The following AGBL1 variants were observed in gnomAD, a reference collection of about 807,000 sequenced individuals.
The protein encoded by AGBL1 is AGBL carboxypeptidase 1, also known as cytosolic carboxypeptidase 4.
AGBL1 carries 130 observed loss-of-function variants against 118.9 expected under a neutral mutation model. That is an observed-to-expected ratio of 1.09 (90% CI 0.95 to 1.26). The LOEUF is 1.26. Ranked by LOEUF, AGBL1 falls within the 50% of genes most tolerant of loss-of-function variation. AGBL1 has a pLI of 0.00. For missense variants in AGBL1, 1,584 were observed against 1,298.1 expected, an observed-to-expected ratio of 1.22 and a Z score of -3.38; for synonymous variants, 555 against 478.9, an observed-to-expected ratio of 1.16 and a Z score of -2.08.
intron 23 of AGBL1, among the ~76,000 whole-genome samples, chr15:86,955,488 C>G (rs1159911464): frequency 1.3e-5 from 2 of 151,698 alleles, no homozygotes; most frequent in African/African-American, 2.4e-5. Context: ...GAACCAGACA[C>G]AAATGATGAA....
At chr15:86,937,446 T>G (rs931318732) in intron 23 of AGBL1, among the ~76,000 whole-genome samples, 4 of 152,238 alleles carry the variant, frequency 2.6e-5, no homozygotes, top group Non-Finnish European at 2.9e-5. Context: ...ATACATATAC[T>G]CCATGGAATA....
chr15:86,162,407 A>G (rs1021101665), intron 5 of AGBL1, among the ~76,000 whole-genome samples: 2 of 152,174 alleles, frequency 1.3e-5, no homozygotes, highest in Admixed American at 6.5e-5. Context: ...CTGTCCTCCA[A>G]TGAAGCTCTG....
chr15:86,128,190 ACATGGCTGGGGAGTCTTCACACT>A (rs776578811), intron 1 of AGBL1, among the ~76,000 whole-genome samples: 83 of 152,322 alleles, frequency 5.4e-4, no homozygotes, highest in Non-Finnish European at 1.1e-3. Flanking sequence ...TCACAGTTCC[ACATGGCTGGGGAGTCTTCACACT>A]CATGGCAGAA....
chr15:86,722,220 C>T (rs1210308679), intron 22 of AGBL1, among the ~76,000 whole-genome samples: 2 of 152,152 alleles, frequency 1.3e-5, no homozygotes, highest in African/African-American at 4.8e-5. Flanking sequence ...GCCAAAAGAA[C>T]GAAGCTGGAG....
chr15:86,108,740 C>T (rs550311783), intron 1 of AGBL1, among the ~76,000 whole-genome samples: 9 of 152,226 alleles, frequency 5.9e-5, no homozygotes, highest in South Asian at 2.1e-4. Context: ...GGGCGGATCA[C>T]GAGGTCAAGA....
At chr15:86,303,872 A>C (rs1156375099) in intron 17 of AGBL1, among the ~76,000 whole-genome samples, 1 of 152,180 alleles carries the variant, frequency 6.6e-6, no homozygotes, top group Admixed American at 6.5e-5. Flanking sequence ...TGAGGTAAGA[A>C]AAAAGAAAGA....
At chr15:86,647,943 G>C (rs2085311821) in intron 21 of AGBL1, among the ~76,000 whole-genome samples, 1 of 152,162 alleles carries the variant, frequency 6.6e-6, no homozygotes, top group African/African-American at 2.4e-5. Context: ...GGAAGAGTCA[G>C]AGCCAGGGTA....
chr15:86,432,069 AG>A (rs937655584), intron 18 of AGBL1, among the ~76,000 whole-genome samples: 1 of 79,316 alleles, frequency 1.3e-5, no homozygotes, highest in African/African-American at 1.4e-4. Flanking sequence ...TCCCAGGATC[AG>A]GTTTTTAACT....
chr15:86,700,980 C>G (rs914118328), intron 22 of AGBL1, among the ~76,000 whole-genome samples: 1 of 152,078 alleles, frequency 6.6e-6, no homozygotes, highest in African/African-American at 2.4e-5. Flanking sequence ...CCTCCCCAGT[C>G]GTGCTGAGGG....
intron 22 of AGBL1, among the ~76,000 whole-genome samples, chr15:86,821,583 C>T (rs536941673): frequency 6.6e-5 from 10 of 152,152 alleles, no homozygotes; most frequent in South Asian, 6.2e-4. Context: ...TGTAACAGAA[C>T]GGTATATTAT....
At chr15:86,767,964 G>A (rs75301480) in intron 22 of AGBL1, among the ~76,000 whole-genome samples, 1 of 151,924 alleles carries the variant, frequency 6.6e-6, no homozygotes, top group African/African-American at 2.4e-5. Context: ...ACCGTGAGTT[G>A]AGTAGAATCA....
intron 18 of AGBL1, among the ~76,000 whole-genome samples, chr15:86,498,754 G>C (rs967297453): frequency 1.3e-5 from 2 of 151,836 alleles, no homozygotes; most frequent in Non-Finnish European, 2.9e-5. Context: ...GAAAAGGAAA[G>C]GAAATTCCCA....
rs74606086 is a variant in AGBL1, at chr15:86,753,765, T to G, written c.3158+79329T>G. On this transcript the variant is annotated intron_variant, in intron 22 of 22. Transcript: ENST00000614907. ...GAGTGAGGGGAGAGATGCCCCTTTA[T>G]CTCACCTACAAACACTTGTCCAGGT... Among the ~76,000 whole-genome samples, 998 of 152,192 alleles carry G rather than the reference T, an allele frequency of 6.6e-3. 54 individuals carry two copies. In the East Asian group the frequency reaches 0.13, roughly 20 times the overall value.
At chr15:86,899,284 A>T (rs547994568) in intron 22 of AGBL1, among the ~76,000 whole-genome samples, 1 of 152,318 alleles carries the variant, frequency 6.6e-6, no homozygotes, top group East Asian at 1.9e-4. Flanking sequence ...CTAAAGCAAG[A>T]GCAGAAAACC....
At chr15:86,196,038 C>G (rs368400249) in intron 5 of AGBL1, among the ~76,000 whole-genome samples, 2 of 152,038 alleles carry the variant, frequency 1.3e-5, no homozygotes, top group African/African-American at 4.8e-5. Flanking sequence ...TTTTAAAAAC[C>G]ATAGGATATC....
chr15:86,148,756 G>A (rs528365942), intron 3 of AGBL1, among the ~76,000 whole-genome samples: 16 of 152,148 alleles, frequency 1.1e-4, no homozygotes, highest in African/African-American at 3.1e-4. Context: ...GCCAACATTC[G>A]AATTCAGGAA....
At chr15:86,925,142 A>AGG (rs71144082) in intron 23 of AGBL1, among the ~76,000 whole-genome samples, 13,282 of 74,822 alleles carry the variant, frequency 0.18, 899 homozygotes, top group East Asian at 0.22. Context: ...GAGGAAGAGG[A>AGG]AGAGGAGGAG....
intron 15 of AGBL1, among the ~76,000 whole-genome samples, chr15:86,274,990 C>CCTCG (rs1392627468): frequency 2.6e-5 from 4 of 152,098 alleles, no homozygotes; most frequent in African/African-American, 9.7e-5. Context: ...AAAAAATGCC[C>CCTCG]CTCGAGAGGG....
chr15:86,849,471 G>C (rs2079369960), intron 22 of AGBL1, among the ~76,000 whole-genome samples: 1 of 149,642 alleles, frequency 6.7e-6, no homozygotes, highest in Admixed American at 6.7e-5. Flanking sequence ...TTGCTAAGTA[G>C]AACAAAGAGC....
Sources: allele counts gnomAD v4.1 joint callset (sites outside exome capture counted in the v4.1 genomes callset), GRCh38; gene constraint gnomAD v4.1.1; transcripts MANE v1.5; gene names NCBI Gene and HGNC (gene_info 2026-07-23, HGNC 2026-07-21).